The following C1QTNF1 variants were observed in gnomAD, a reference collection of about 807,000 sequenced individuals.
The protein encoded by C1QTNF1 is C1q and TNF related 1.
C1QTNF1 carries 22 observed loss-of-function variants against 27.8 expected under a neutral mutation model. The ratio of observed to expected loss-of-function variants is 0.79; its 90% CI spans 0.56 to 1.13. The LOEUF (loss-of-function observed/expected upper bound fraction) is 1.13, where lower values mean the gene tolerates loss of function less well. Among genes scored for constraint, C1QTNF1 ranks in the 50% most tolerant of loss-of-function variants. The pLI, the probability that C1QTNF1 is intolerant of heterozygous loss-of-function variation, is 0.00. For synonymous variants in C1QTNF1, 166 were observed against 154.3 expected, an observed-to-expected ratio of 1.08 and a Z score of -0.56; for missense variants, 373 against 380.2, an observed-to-expected ratio of 0.98 and a Z score of 0.16.
At position 79,048,060 on chromosome 17, in the gene C1QTNF1, A is replaced by G. The variant is rs763906444; in HGVS notation, c.818A>G (p.Tyr273Cys). Residue 273 changes from tyrosine to cysteine, a missense_variant, in exon 4 of 4, where the codon TAC becomes TGC. Transcript: ENST00000579760. Reference protein sequence around the residue: ...ELDTYITFSGYLVKHATEP With the variant: ...ELDTYITFSGCLVKHATEP ...GACACCTACATCACCTTCAGTGGCT[A>G]CCTGGTCAAGCACGCCACCGAGCCC... 1.3e-6 allele frequency: 2 copies of G among 1,577,422 alleles called. No individual in the cohort carries two copies. The highest frequency in any genetic ancestry group is 2.3e-5 in the South Asian group (2 of 87,370).
chr17:79,047,463 G>A lies in C1QTNF1; in HGVS notation c.296-75G>A, dbSNP rs377763547. The A allele has an allele frequency of 1.5e-4, 208 of 1,406,098 alleles. 4 individuals are homozygous for A. The East Asian group carries it at 3.9e-3, about 27-fold the overall frequency. 87.1% of individuals were successfully genotyped at this position (1,406,098 alleles called of 1,614,324 possible). Reference sequence around the variant, plus strand: ...ACGAATCAGGACAGCGCCAGGGACCGGAGAGTGAGCAGCCAAGGCTCAGGA... The same window carrying A: ...ACGAATCAGGACAGCGCCAGGGACCAGAGAGTGAGCAGCCAAGGCTCAGGA... On this transcript the variant is annotated intron_variant, in intron 3 of 3. Transcript: ENST00000579760.
intron 1 of C1QTNF1, among the ~76,000 whole-genome samples, chr17:79,041,339 G>C (rs2072402467): frequency 6.6e-6 from 1 of 152,150 alleles, no homozygotes; most frequent in African/African-American, 2.4e-5. Flanking sequence ...GTGTGACAGG[G>C]GAGGAGAGAG....
intron 1 of C1QTNF1, among the ~76,000 whole-genome samples, chr17:79,033,226 C>T (rs192364293): frequency 4.0e-4 from 61 of 152,208 alleles, no homozygotes; most frequent in South Asian, 6.2e-4. Context: ...CTGCTAGTCA[C>T]GTGAGCACTT....
In C1QTNF1 at chr17:79,046,501, G is replaced by C. The variant is rs1261957430; in HGVS notation, c.156-54G>C. 9 of 1,609,780 alleles carry C rather than the reference G, an allele frequency of 5.6e-6. No individual in the cohort carries two copies. Among genetic ancestry groups the C allele is most frequent in the South Asian group, 1.1e-5 (1 of 90,718 alleles). ...GAACCACTGGCAGCAGGAGAGAGCAGCGTTTCCAGGCCTGAGAGTGGCTGA... is the reference window on the plus strand; with the variant it reads ...GAACCACTGGCAGCAGGAGAGAGCACCGTTTCCAGGCCTGAGAGTGGCTGA... On this transcript the variant is annotated intron_variant, in intron 2 of 3. Coordinates refer to ENST00000579760, the MANE Select transcript of C1QTNF1 (RefSeq NM_030968.5). This position sits in a 1 kb window ranked among gnomAD's most constrained non-coding sequence, Gnocchi z 4.8.
chr17:79,029,092 G>C (rs146407801), intron 1 of C1QTNF1, among the ~76,000 whole-genome samples: 1 of 152,172 alleles, frequency 6.6e-6, no homozygotes, highest in African/African-American at 2.4e-5. Flanking sequence ...GTGGGCACTC[G>C]GTAATCCTCT....
intron 3 of C1QTNF1, chr17:79,047,226 T>C: frequency 2.9e-6 from 1 of 345,428 alleles, no homozygotes; most frequent in Admixed American, 4.3e-5. Context: ...TCCATTTTCT[T>C]TTTTTTCTTT....
At chr17:79,035,897 G>C (rs796105266) in intron 1 of C1QTNF1, among the ~76,000 whole-genome samples, 23 of 152,296 alleles carry the variant, frequency 1.5e-4, no homozygotes, top group African/African-American at 5.5e-4. Flanking sequence ...GGGGGACAGC[G>C]GAGCCCCTGG....
chr17:79,045,424 C>G (rs899292583), intron 2 of C1QTNF1, among the ~76,000 whole-genome samples: 6 of 152,134 alleles, frequency 3.9e-5, no homozygotes, highest in African/African-American at 1.4e-4. Flanking sequence ...GGACGGTGTT[C>G]TCGGAAGAAT....
chr17:79,044,190 G>T (rs2072506141), intron 2 of C1QTNF1, 67 bp downstream of exon 2: 2 of 1,463,462 alleles, frequency 1.4e-6, no homozygotes, highest in Non-Finnish European at 1.8e-6. Flanking sequence ...GGGCCTTGGG[G>T]CCCCTGGGGG....
intron 1 of C1QTNF1, 200 bp from the exon 2 acceptor site, chr17:79,043,755 C>T (rs546898929): frequency 7.3e-6 from 5 of 684,754 alleles, no homozygotes; most frequent in East Asian, 2.8e-5. Flanking sequence ...GTGAGTGCGT[C>T]GTGAGTGCGT....
At chr17:79,032,612 C>T (rs564039626) in intron 1 of C1QTNF1, among the ~76,000 whole-genome samples, 6 of 152,200 alleles carry the variant, frequency 3.9e-5, no homozygotes, top group African/African-American at 7.2e-5. Flanking sequence ...TGAGATGTGG[C>T]GGGTGCAAGG....
At chr17:79,042,529 C>A (rs2072441262) in intron 1 of C1QTNF1, among the ~76,000 whole-genome samples, 2 of 152,288 alleles carry the variant, frequency 1.3e-5, no homozygotes, top group South Asian at 2.1e-4. Context: ...GCCAAGGACA[C>A]CTGCTGATGC....
At chr17:79,042,569 GC>G (rs1417107428) in intron 1 of C1QTNF1, among the ~76,000 whole-genome samples, 1 of 152,224 alleles carries the variant, frequency 6.6e-6, no homozygotes, top group African/African-American at 2.4e-5. Flanking sequence ...GCAGCTTGCA[GC>G]CACCTTCCTA....
intron 1 of C1QTNF1, chr17:79,043,327 T>G (rs903756134): frequency 4.4e-6 from 2 of 453,486 alleles, no homozygotes; most frequent in East Asian, 1.4e-4. Flanking sequence ...TGCATGTGTG[T>G]TGAGTGCATG....
At chr17:79,047,238 CTT>C (rs372840829) in intron 3 of C1QTNF1, 3,540 of 272,064 alleles carry the variant, frequency 0.013, no homozygotes, top group Middle Eastern at 0.02. Context: ...TTTTTCTTTT[CTT>C]TTTTTTTTTT....
At chr17:79,042,707 T>C (rs530813489) in intron 1 of C1QTNF1, among the ~76,000 whole-genome samples, 1 of 152,330 alleles carries the variant, frequency 6.6e-6, no homozygotes, top group East Asian at 1.9e-4. Flanking sequence ...TACAATTGTC[T>C]GTGGGGCCAG....
At chr17:79,031,905 C>G (rs755831970) in intron 1 of C1QTNF1, among the ~76,000 whole-genome samples, 1 of 152,236 alleles carries the variant, frequency 6.6e-6, no homozygotes, top group Non-Finnish European at 1.5e-5. Context: ...AGTCAGCACT[C>G]TGGTGACAGT....
intron 1 of C1QTNF1, among the ~76,000 whole-genome samples, chr17:79,029,726 C>T (rs1027491519): frequency 2.6e-5 from 4 of 152,202 alleles, no homozygotes; most frequent in Non-Finnish European, 4.4e-5. Context: ...GGGCCAAAGA[C>T]GAACAAAGCC....
intron 1 of C1QTNF1, among the ~76,000 whole-genome samples, chr17:79,042,559 GCAGCTTGCAGC>G (rs1294472385): frequency 6.6e-6 from 1 of 152,242 alleles, no homozygotes; most frequent in African/African-American, 2.4e-5. Context: ...TGGCCAGAAA[GCAGCTTGCAGC>G]CACCTTCCTA....
Sources: gnomAD v4.1 joint callset for allele counts (sites outside exome capture counted in the v4.1 genomes callset) on GRCh38, gnomAD v4.1.1 for gene constraint, Gnocchi (gnomAD v3.1) non-coding constraint, MANE v1.5 for transcripts, NCBI Gene and HGNC (gene_info 2026-07-23, HGNC 2026-07-21) for gene names.